DPH6: variants seen among roughly 807,000 people sequenced by gnomAD.
The protein encoded by DPH6 is diphthamine biosynthesis 6.
DPH6 carries 33 observed loss-of-function variants against 38.2 expected under a neutral mutation model. The observed-to-expected ratio is 0.86, with a 90% CI of 0.65 to 1.15. The LOEUF is 1.15. Ranked by LOEUF, DPH6 falls within the 50% of genes most tolerant of loss-of-function variation. The pLI is 0.00. For synonymous variants in DPH6, 108 were observed against 103.0 expected (o/e 1.05, Z -0.30); for missense variants, 325 against 320.0 (o/e 1.02, Z -0.12).
chr15:35,538,106 G>A, intron 3 of DPH6, 168 bp downstream of exon 3: 1 of 444,022 alleles, frequency 2.3e-6, no homozygotes, highest in Non-Finnish European at 3.9e-6. Context: ...TAATATAAAG[G>A]CATACTAATC....
rs1004407569 is a variant in DPH6 at position 35,450,770 on chromosome 15, A to G, written c.420T>C (p.Tyr140=). ...AATCTTCCTGGTTTCTCTGCCAAAG[A>G]TAAGCTAAAGGCTGGAGATTAAGCC... The part of the protein sequence containing the change: ...CKRLNLQPLA[Y]LWQRNQEDLL... The change falls in exon 5 of 9, where the codon TAT becomes TAC. Residue 140 remains tyrosine (Y), a synonymous_variant. Coordinates refer to ENST00000256538, the MANE Select transcript of DPH6 (RefSeq NM_080650.4). 2 of 1,612,688 alleles carry G rather than the reference A, an allele frequency of 1.2e-6. No individual in the cohort carries two copies. Among genetic ancestry groups the G allele is most frequent in the Non-Finnish European group, 1.7e-6 (2 of 1,179,508 alleles).
At chr15:35,353,210 T>C (rs961358748) in intron 3 of DPH6, among the ~76,000 whole-genome samples, 2 of 152,184 alleles carry the variant, frequency 1.3e-5, no homozygotes, top group Non-Finnish European at 2.9e-5. Flanking sequence ...TTGCAAAAAT[T>C]TTCTCCCATT....
At chr15:35,279,738 A>G (rs2051886145) in intron 3 of DPH6, among the ~76,000 whole-genome samples, 1 of 152,188 alleles carries the variant, frequency 6.6e-6, no homozygotes. Context: ...CAGAACTGTG[A>G]GCCAATCAAA....
At chr15:35,483,057 C>T (rs2054347936) in intron 3 of DPH6, among the ~76,000 whole-genome samples, 1 of 151,800 alleles carries the variant, frequency 6.6e-6, no homozygotes, top group South Asian at 2.1e-4. Flanking sequence ...GAATATAAAT[C>T]ACTAAAAATG....
intron 3 of DPH6, among the ~76,000 whole-genome samples, chr15:35,515,999 TA>T (rs2054841618): frequency 6.6e-6 from 1 of 152,140 alleles, no homozygotes; most frequent in Admixed American, 6.5e-5. Context: ...AAAGACCCTT[TA>T]GAAAAATTAA....
At chr15:35,179,895 A>G in the DPH6 span, among the ~76,000 whole-genome samples, 1 of 152,214 alleles carries the variant, frequency 6.6e-6, no homozygotes, top group Non-Finnish European at 1.5e-5. Flanking sequence ...TTTGCTGTGT[A>G]GTATGTATTG....
At chr15:35,498,448 A>G (rs2054584553) in intron 3 of DPH6, among the ~76,000 whole-genome samples, 1 of 152,162 alleles carries the variant, frequency 6.6e-6, no homozygotes, top group South Asian at 2.1e-4. Context: ...CATAAAAAAC[A>G]GATTTTTGCA....
intron 3 of DPH6, among the ~76,000 whole-genome samples, chr15:35,221,177 C>T (rs377106314): frequency 1.7e-4 from 26 of 152,340 alleles, no homozygotes; most frequent in African/African-American, 5.8e-4. Context: ...CTAGGGTAGG[C>T]GTTGGGCCCC....
At chr15:35,447,370 G>T (rs2053867942) in intron 5 of DPH6, among the ~76,000 whole-genome samples, 1 of 152,062 alleles carries the variant, frequency 6.6e-6, no homozygotes, top group African/African-American at 2.4e-5. Context: ...TGCCATGGAA[G>T]GTCACATGGT....
chr15:35,482,250 T>C (rs2054336198), intron 3 of DPH6, among the ~76,000 whole-genome samples: 1 of 152,158 alleles, frequency 6.6e-6, no homozygotes, highest in Non-Finnish European at 1.5e-5. Context: ...TGAAGCGATA[T>C]ATGTTCAGAC....
chr15:35,331,512 T>C (rs1362998670), intron 3 of DPH6, among the ~76,000 whole-genome samples: 1 of 152,226 alleles, frequency 6.6e-6, no homozygotes, highest in South Asian at 2.1e-4. Flanking sequence ...CACTGGGTGC[T>C]ATAAGTTATT....
chr15:35,206,055 G>A, the DPH6 span, among the ~76,000 whole-genome samples: 3 of 152,010 alleles, frequency 2.0e-5, no homozygotes, highest in Admixed American at 2.0e-4. Flanking sequence ...ATAAAGCAAT[G>A]GTAGTAGAAG....
intron 6 of DPH6, among the ~76,000 whole-genome samples, chr15:35,384,926 A>T (rs1241706266): frequency 6.6e-6 from 1 of 152,156 alleles, no homozygotes; most frequent in Non-Finnish European, 1.5e-5. Context: ...ATTTACAAGA[A>T]AAAAAACAAC....
At chr15:35,386,487 C>T (rs1180306408) in intron 6 of DPH6, among the ~76,000 whole-genome samples, 24 of 152,198 alleles carry the variant, frequency 1.6e-4, no homozygotes, top group Admixed American at 6.5e-4. Flanking sequence ...CCTATTTCTC[C>T]ACATCCTCTC....
intron 4 of DPH6, among the ~76,000 whole-genome samples, chr15:35,454,393 C>T (rs1205620098): frequency 6.6e-6 from 1 of 152,020 alleles, no homozygotes; most frequent in Non-Finnish European, 1.5e-5. Flanking sequence ...TACTGTATTC[C>T]TTTTATTATC....
chr15:35,226,445 G>A (rs977498036), intron 3 of DPH6, among the ~76,000 whole-genome samples: 1 of 152,030 alleles, frequency 6.6e-6, no homozygotes, highest in Non-Finnish European at 1.5e-5. Context: ...AAAAAAAATA[G>A]GTAAAGAAAA....
chr15:35,157,619 GGT>G, the DPH6 span, among the ~76,000 whole-genome samples: 1 of 151,970 alleles, frequency 6.6e-6, no homozygotes, highest in Non-Finnish European at 1.5e-5. Context: ...CCACATGCCT[GGT>G]GTTGAGGCTC....
chr15:35,447,264 T>C (rs1283342886), intron 5 of DPH6, among the ~76,000 whole-genome samples: 2 of 152,162 alleles, frequency 1.3e-5, no homozygotes, highest in Non-Finnish European at 2.9e-5. Context: ...GAGAGAGATA[T>C]CCAAGACAAC....
At chr15:35,268,171 A>AT (rs2051795713) in intron 3 of DPH6, among the ~76,000 whole-genome samples, 1 of 91,160 alleles carries the variant, frequency 1.1e-5, no homozygotes, top group Non-Finnish European at 2.2e-5. Context: ...CTCTGTCTCA[A>AT]AAAATAAATA....
Sources: gnomAD v4.1 joint callset for allele counts (sites outside exome capture counted in the v4.1 genomes callset) on GRCh38, gnomAD v4.1.1 for gene constraint, MANE v1.5 for transcripts, NCBI Gene and HGNC (gene_info 2026-07-23, HGNC 2026-07-21) for gene names.